Variants in PRDM15 observed in about 807,000 individuals in gnomAD.
The protein encoded by PRDM15 is PR/SET domain 15, also known as PR domain zinc finger protein 15.
Under a neutral mutation model 128.6 loss-of-function variants are expected in PRDM15, and 64 were observed. The observed-to-expected ratio is 0.50, with a 90% confidence interval of 0.41 to 0.61. The LOEUF (loss-of-function observed/expected upper bound fraction) is 0.61, where lower values mean the gene tolerates loss of function less well. Ranked by LOEUF, PRDM15 falls within the 20% of genes least tolerant of loss-of-function variation. The probability of loss-of-function intolerance (pLI) is 0.00; values close to 1 mark genes in which losing one functional copy is unlikely to be tolerated. For missense variants in PRDM15, 1,242 were observed against 1,569.1 expected, an observed-to-expected ratio of 0.79 and a Z score of 3.52; for synonymous variants, 615 against 621.8, an observed-to-expected ratio of 0.99 and a Z score of 0.16.
In PRDM15 at chr21:41,799,262, C is replaced by T. The variant is rs1017457488; in HGVS notation, c.*1978G>A. ...AGATTCTGCAAAGGCAAAAAGAAATCGATACTGATTTTTAAAAATATATCT... is the reference window on the plus strand; with the variant it reads ...AGATTCTGCAAAGGCAAAAAGAAATTGATACTGATTTTTAAAAATATATCT... On this transcript the variant is annotated 3_prime_UTR_variant, in exon 24 of 24. Transcript: ENST00000398548. 4 of 152,138 alleles carry T rather than the reference C, an allele frequency of 2.6e-5. No individual in the cohort carries two copies. The East Asian group carries it at 7.7e-4, about 29-fold the overall frequency. 9.4% of individuals were successfully genotyped at this position (152,138 alleles called of 1,614,324 possible).
In PRDM15 at chr21:41,832,556, T is replaced by A. The variant is rs977394801; in HGVS notation, c.1366+2881A>T. Among the ~76,000 whole-genome samples the A allele has an allele frequency of 6.6e-6, 1 of 152,078 alleles. No individual in the cohort carries two copies. Among genetic ancestry groups the A allele is most frequent in the Non-Finnish European group, 1.5e-5 (1 of 68,000 alleles). On this transcript the variant is annotated intron_variant, in intron 11 of 23. Transcript: ENST00000398548. This position sits in a 1 kb window ranked among gnomAD's most constrained non-coding sequence, Gnocchi z 4.2. Reference sequence around the variant, plus strand: ...GTGCTGTGGCATTGGATTGCCACACTCCCCTCAACCTGGGCCTCCTGAACA... The same window carrying A: ...GTGCTGTGGCATTGGATTGCCACACACCCCTCAACCTGGGCCTCCTGAACA...
chr21:41,844,864 T>TC (rs2063200673), intron 6 of PRDM15, among the ~76,000 whole-genome samples: 1 of 7,124 alleles, frequency 1.4e-4, no homozygotes, highest in African/African-American at 6.6e-4. Flanking sequence ...ACACAGCCCC[T>TC]CCCCCTCACA....
At chr21:41,868,590 G>A (rs992900790) in intron 1 of PRDM15, among the ~76,000 whole-genome samples, 7 of 151,902 alleles carry the variant, frequency 4.6e-5, no homozygotes, top group Non-Finnish European at 1.0e-4. Context: ...GGCTAAAGAC[G>A]CTGAACATCT....
intron 1 of PRDM15, chr21:41,871,633 C>A (rs917949769): frequency 1.1e-5 from 18 of 1,602,276 alleles, no homozygotes; most frequent in Non-Finnish European, 1.5e-5. Context: ...TGTAGGCCAA[C>A]AGTGGGTCAC....
intron 21 of PRDM15, among the ~76,000 whole-genome samples, chr21:41,805,850 C>G (rs796536652): frequency 7.4e-5 from 11 of 148,376 alleles, no homozygotes; most frequent in Non-Finnish European, 1.0e-4. Flanking sequence ...ACACAACCAC[C>G]TCCATCACCA....
At chr21:41,847,273 G>A in intron 5 of PRDM15, 82 bp from the exon 6 acceptor site, 1 of 993,136 alleles carries the variant, frequency 1.0e-6, no homozygotes. Flanking sequence ...CGGAGGAGGG[G>A]TGTGTGCTGA....
At chr21:41,812,815 G>C (rs1445370084) in intron 19 of PRDM15, 2 of 152,410 alleles carry the variant, frequency 1.3e-5, no homozygotes, top group African/African-American at 4.8e-5. Flanking sequence ...CACTGTGGGG[G>C]ATGATCGCCA....
At position 41,810,004 on chromosome 21, in the gene PRDM15, CAG is replaced by C; in HGVS notation, c.2652+148_2652+149del. 1 of 723,018 alleles carries C rather than the reference CAG, an allele frequency of 1.4e-6. No individual in the cohort carries two copies. The highest frequency in any genetic ancestry group is 1.9e-5 in the South Asian group (1 of 52,378). The allele number at this position is 723,018 out of a possible 1,614,324, so 44.8% of individuals were successfully genotyped here. The stretch of plus-strand genomic sequence containing the variant: ...CACTCACTCAGTGCCTCCTGTGTGG[CAG>C]GCAGTGCCAGTCACAGACGCACCTA... On this transcript the variant is annotated intron_variant, in intron 21 of 23. Transcript: ENST00000398548. This position sits in a 1 kb window ranked among gnomAD's most constrained non-coding sequence, Gnocchi z 6.4.
chr21:41,856,185 TC>T, intron 4 of PRDM15, among the ~76,000 whole-genome samples: 1 of 18,586 alleles, frequency 5.4e-5, no homozygotes, highest in East Asian at 2.5e-3. Context: ...CTTCCCTCCC[TC>T]CCCTCCCTCC....
chr21:41,808,371 C>T (rs2061747966), intron 21 of PRDM15, among the ~76,000 whole-genome samples: 2 of 152,232 alleles, frequency 1.3e-5, no homozygotes, highest in African/African-American at 2.4e-5. Context: ...TATGCAGCCA[C>T]GGTCCCCTGG....
intron 6 of PRDM15, 61 bp downstream of exon 6, chr21:41,847,028 TA>T: frequency 8.9e-7 from 1 of 1,119,634 alleles, no homozygotes; most frequent in Non-Finnish European, 1.3e-6. Flanking sequence ...GGTGACAGCG[TA>T]AGTCAGAGAG....
chr21:41,855,924 C>T (rs1364972798), intron 4 of PRDM15, among the ~76,000 whole-genome samples: 2 of 3,952 alleles, frequency 5.1e-4, no homozygotes, highest in Non-Finnish European at 9.6e-4. Context: ...CCCTCCCTCC[C>T]TCCCTCCCTT....
chr21:41,821,873 C>G lies in PRDM15; in HGVS notation c.1896+30G>C, dbSNP rs761033494. On this transcript the variant is annotated intron_variant, in intron 15 of 23. Transcript: ENST00000398548. The surrounding 1 kb of genome is among the most constrained non-coding windows in gnomAD (Gnocchi z 5.4). ...AACGACCACCTTCCTCTCCAGACCA[C>G]CCAGGCACCGCGGGGCAAACCCGCC... 1.2e-6 allele frequency: 2 copies of G among 1,612,568 alleles called. No individual in the cohort carries two copies. The highest frequency in any genetic ancestry group is 1.7e-6 in the Non-Finnish European group (2 of 1,179,926).
intron 1 of PRDM15, among the ~76,000 whole-genome samples, chr21:41,875,440 C>T (rs1485751820): frequency 6.6e-6 from 1 of 152,282 alleles, no homozygotes; most frequent in Non-Finnish European, 1.5e-5. Context: ...CCCTGCATCT[C>T]AGCTGACAGT....
chr21:41,838,149 G>T, intron 7 of PRDM15, 86 bp from the exon 8 acceptor site: 1 of 1,428,148 alleles, frequency 7.0e-7, no homozygotes, highest in Non-Finnish European at 9.7e-7. Context: ...TGCCCCATGG[G>T]AACCACAGCC....
intron 22 of PRDM15, 33 bp from the exon 23 acceptor site, chr21:41,802,954 G>GT (rs1415166926): frequency 6.3e-7 from 1 of 1,591,270 alleles, no homozygotes; most frequent in South Asian, 1.1e-5. Flanking sequence ...CGAGAACCAG[G>GT]TTAGTCGGTC....
intron 8 of PRDM15, 132 bp downstream of exon 8, chr21:41,837,802 T>A (rs1476754823): frequency 1.2e-6 from 1 of 811,358 alleles, no homozygotes. Flanking sequence ...TCCTGCTGCC[T>A]CCTCAGCAGG....
intron 1 of PRDM15, chr21:41,871,473 C>T (rs530228841): frequency 1.9e-6 from 3 of 1,563,774 alleles, no homozygotes; most frequent in Non-Finnish European, 1.7e-6. Context: ...TATCCTTCCT[C>T]CCCTACTGGA....
intron 21 of PRDM15, among the ~76,000 whole-genome samples, chr21:41,806,949 CTCCACCACCAT>C (rs2061698317): frequency 1.5e-5 from 2 of 135,368 alleles, no homozygotes; most frequent in Non-Finnish European, 3.5e-5. Context: ...CCACCACCAT[CTCCACCACCAT>C]CATCACCACC....
Sources: allele counts gnomAD v4.1 joint callset (sites outside exome capture counted in the v4.1 genomes callset), GRCh38; gene constraint gnomAD v4.1.1; non-coding constraint Gnocchi (gnomAD v3.1); transcripts MANE v1.5; gene names NCBI Gene and HGNC (gene_info 2026-07-23, HGNC 2026-07-21).